Variants in ADGRL2 observed in about 807,000 individuals in gnomAD.
The protein encoded by ADGRL2 is adhesion G protein-coupled receptor L2, also known as calcium-independent alpha-latrotoxin receptor 2.
In ADGRL2, 44 loss-of-function variants were observed where a neutral mutation model predicts 157.4. That is an observed-to-expected ratio of 0.28 (90% confidence interval 0.22 to 0.36). ADGRL2 has a LOEUF of 0.36. ADGRL2 is among the 10% of genes least tolerant of loss of function. The pLI is 1.00. For missense variants in ADGRL2, 1,510 were observed against 1,768.9 expected, an observed-to-expected ratio of 0.85 and a Z score of 2.63; for synonymous variants, 585 against 624.7, an observed-to-expected ratio of 0.94 and a Z score of 0.95.
At chr1:81,601,404 C>T (rs1399900541) in intron 3 of ADGRL2, among the ~76,000 whole-genome samples, 2 of 152,176 alleles carry the variant, frequency 1.3e-5, no homozygotes, top group African/African-American at 2.4e-5. Context: ...CCAGAAGAGA[C>T]AGTTCACTTT....
At chr1:81,601,074 G>C (rs1406526019) in intron 3 of ADGRL2, among the ~76,000 whole-genome samples, 1 of 152,174 alleles carries the variant, frequency 6.6e-6, no homozygotes. Flanking sequence ...GGCATGACTA[G>C]CAACTGCGTT....
intron 3 of ADGRL2, among the ~76,000 whole-genome samples, chr1:81,661,881 A>C (rs753711032): frequency 8.5e-5 from 13 of 152,194 alleles, no homozygotes; most frequent in Non-Finnish European, 1.8e-4. Context: ...CCCCATCCCC[A>C]CTGGATATCC....
At chr1:81,516,948 A>C (rs2079192015) in intron 2 of ADGRL2, among the ~76,000 whole-genome samples, 1 of 152,116 alleles carries the variant, frequency 6.6e-6, no homozygotes, top group Admixed American at 6.6e-5. Flanking sequence ...GTGGGTGGTT[A>C]ATAAATAGTA....
intron 2 of ADGRL2, among the ~76,000 whole-genome samples, chr1:81,900,275 C>A (rs2151608455): frequency 6.6e-6 from 1 of 152,198 alleles, no homozygotes; most frequent in East Asian, 1.9e-4. Context: ...AGTAACCAAA[C>A]AACAAACGGG....
intron 1 of ADGRL2, among the ~76,000 whole-genome samples, chr1:81,822,177 A>T (rs1398102238): frequency 5.3e-5 from 8 of 151,826 alleles, no homozygotes; most frequent in African/African-American, 1.7e-4. Context: ...AAAAAAAAAT[A>T]TGATTTTAAT....
intron 2 of ADGRL2, chr1:81,557,508 A>G (rs1040713839): frequency 2.8e-5 from 3 of 107,594 alleles, no homozygotes; most frequent in Admixed American, 1.0e-4. Flanking sequence ...AAAGAAAGAA[A>G]GAAAGAAAGA....
chr1:81,718,632 T>G (rs950739378), intron 1 of ADGRL2, among the ~76,000 whole-genome samples: 1 of 152,206 alleles, frequency 6.6e-6, no homozygotes, highest in South Asian at 2.1e-4. Flanking sequence ...AAAGTATAAA[T>G]TGTAATGGAA....
At chr1:81,778,275 TC>T (rs1224302090) in intron 2 of ADGRL2, among the ~76,000 whole-genome samples, 2 of 148,312 alleles carry the variant, frequency 1.3e-5, no homozygotes, top group Non-Finnish European at 3.0e-5. Context: ...TGAGCGGAGA[TC>T]ACGCCACTGC....
chr1:81,698,348 A>C (rs2083486810), upstream of ADGRL2, among the ~76,000 whole-genome samples: 2 of 152,182 alleles, frequency 1.3e-5, no homozygotes, highest in Admixed American at 6.5e-5. Context: ...CCATGTATAC[A>C]TCCTATATAT....
chr1:81,646,039 T>C (rs1373960149), intron 3 of ADGRL2, among the ~76,000 whole-genome samples: 1 of 152,176 alleles, frequency 6.6e-6, no homozygotes, highest in Non-Finnish European at 1.5e-5. Context: ...TTAATTCTCA[T>C]TCATATTTTT....
At chr1:81,726,603 G>A (rs2084538233) in intron 1 of ADGRL2, among the ~76,000 whole-genome samples, 1 of 152,168 alleles carries the variant, frequency 6.6e-6, no homozygotes, top group African/African-American at 2.4e-5. Flanking sequence ...CAAAGAAAAG[G>A]TTTTGGGAGA....
intron 3 of ADGRL2, among the ~76,000 whole-genome samples, chr1:81,655,080 A>T (rs574137044): frequency 6.6e-6 from 1 of 152,202 alleles, no homozygotes; most frequent in South Asian, 2.1e-4. Context: ...GGGTCCTAAG[A>T]GCCAGGGGGG....
intron 2 of ADGRL2, among the ~76,000 whole-genome samples, chr1:81,883,197 G>A (rs2094032377): frequency 6.6e-6 from 1 of 152,146 alleles, no homozygotes; most frequent in African/African-American, 2.4e-5. Flanking sequence ...TTTATTTTCA[G>A]TATGGTATAT....
chr1:81,847,900 A>G (rs2092853173), intron 2 of ADGRL2, among the ~76,000 whole-genome samples: 1 of 142,002 alleles, frequency 7.0e-6, no homozygotes, highest in Non-Finnish European at 1.6e-5. Flanking sequence ...ATATTTAATC[A>G]ACTAATAATT....
intron 1 of ADGRL2, among the ~76,000 whole-genome samples, chr1:81,438,623 A>G (rs2077452459): frequency 6.6e-6 from 1 of 152,086 alleles, no homozygotes; most frequent in African/African-American, 2.4e-5. Context: ...TTTTTTTCCC[A>G]GAGAGCTGAT....
intron 3 of ADGRL2, among the ~76,000 whole-genome samples, chr1:81,933,368 T>A (rs2095263305): frequency 6.6e-6 from 1 of 152,232 alleles, no homozygotes; most frequent in African/African-American, 2.4e-5. Context: ...ATAGTTTGAT[T>A]GTTAAAACAA....
intron 2 of ADGRL2, among the ~76,000 whole-genome samples, chr1:81,890,870 T>C (rs912438024): frequency 6.6e-6 from 1 of 152,118 alleles, no homozygotes; most frequent in African/African-American, 2.4e-5. Flanking sequence ...TTTTAGATTG[T>C]TCCCACAAAG....
chr1:81,545,326 G>A (rs140932188), intron 2 of ADGRL2, among the ~76,000 whole-genome samples: 2,478 of 145,388 alleles, frequency 0.017, 47 homozygotes, highest in East Asian at 0.067. Flanking sequence ...TCACTCTTTC[G>A]CCCAGGCTGG....
At chr1:81,344,113 G>A (rs927031905) in intron 1 of ADGRL2, among the ~76,000 whole-genome samples, 6 of 151,924 alleles carry the variant, frequency 3.9e-5, no homozygotes, top group Middle Eastern at 3.2e-3. Flanking sequence ...TCTGTTTCCC[G>A]GCCAGAGTGC....
Sources: gnomAD v4.1 joint callset for allele counts (sites outside exome capture counted in the v4.1 genomes callset) on GRCh38, gnomAD v4.1.1 for gene constraint, MANE v1.5 for transcripts, NCBI Gene and HGNC (gene_info 2026-07-23, HGNC 2026-07-21) for gene names.